ESCO2: variants seen among roughly 807,000 people sequenced by gnomAD.
ESCO2 encodes establishment of sister chromatid cohesion N-acetyltransferase 2, also known as N-acetyltransferase ESCO2.
Under a neutral mutation model 61.7 loss-of-function variants are expected in ESCO2, and 51 were observed. The ratio of observed to expected loss-of-function variants is 0.83; its 90% confidence interval spans 0.66 to 1.04. The LOEUF (loss-of-function observed/expected upper bound fraction) is 1.04, where lower values mean the gene tolerates loss of function less well. Among genes scored for constraint, ESCO2 ranks in the 50% least tolerant of loss-of-function variants. ESCO2 has a pLI of 0.00. For synonymous variants in ESCO2, 230 were observed against 238.2 expected (o/e 0.97, Z 0.32); for missense variants, 692 against 686.2 (o/e 1.01, Z -0.09).
downstream of ESCO2, among the ~76,000 whole-genome samples, chr8:27,815,255 C>A (rs1223155814): frequency 3.3e-5 from 5 of 152,140 alleles, no homozygotes; most frequent in African/African-American, 9.7e-5. Flanking sequence ...TTCCAGTTAA[C>A]AAGCACTCAT....
At chr8:27,817,265 T>G (rs1805835635), downstream of ESCO2, among the ~76,000 whole-genome samples, 1 of 152,040 alleles carries the variant, frequency 6.6e-6, no homozygotes, top group Admixed American at 6.6e-5. Flanking sequence ...TATGTAACCT[T>G]CAGCATAAAC....
At chr8:27,808,322 G>C (rs1418214304), downstream of ESCO2, 1 of 685,766 alleles carries the variant, frequency 1.5e-6, no homozygotes, top group African/African-American at 1.9e-5. Flanking sequence ...ATTCTAAAGG[G>C]AAAGATTTCC....
intron 9 of ESCO2, among the ~76,000 whole-genome samples, chr8:27,796,140 T>C (rs575499776): frequency 1.3e-5 from 2 of 152,176 alleles, no homozygotes; most frequent in East Asian, 3.9e-4. Flanking sequence ...TAGTTTAGAT[T>C]TTCTGTTTCT....
At chr8:27,772,376 G>T, upstream of ESCO2, 3 of 793,408 alleles carry the variant, frequency 3.8e-6, no homozygotes, top group Admixed American at 2.2e-5. Flanking sequence ...TGTGCTGGGG[G>T]ACCGAGAGGC....
chr8:27,788,639 G>A (rs1162151564), intron 6 of ESCO2, among the ~76,000 whole-genome samples: 1 of 151,964 alleles, frequency 6.6e-6, no homozygotes, highest in Non-Finnish European at 1.5e-5. Flanking sequence ...GATTACAGGC[G>A]TGAGCCACTG....
chr8:27,813,118 C>A (rs1193174597), downstream of ESCO2, among the ~76,000 whole-genome samples: 1 of 152,188 alleles, frequency 6.6e-6, no homozygotes, highest in East Asian at 1.9e-4. Flanking sequence ...CACATATACA[C>A]CATGGAATAC....
intron 5 of ESCO2, among the ~76,000 whole-genome samples, chr8:27,784,727 T>G (rs1419074914): frequency 1.3e-5 from 2 of 152,192 alleles, no homozygotes; most frequent in African/African-American, 4.8e-5. Flanking sequence ...GGCAGAGCTC[T>G]GAAAAAGTAG....
At chr8:27,791,556 G>A (rs937972494) in intron 7 of ESCO2, among the ~76,000 whole-genome samples, 2 of 152,110 alleles carry the variant, frequency 1.3e-5, no homozygotes, top group African/African-American at 2.4e-5. Context: ...CAAGCATAAG[G>A]GACAAACGTA....
the ESCO2 span, among the ~76,000 whole-genome samples, chr8:27,819,654 A>G: frequency 3.3e-5 from 5 of 152,136 alleles, no homozygotes; most frequent in African/African-American, 1.2e-4. Flanking sequence ...ATTATGGTGC[A>G]GAGGTACTTG....
chr8:27,816,931 C>G (rs1224069589), downstream of ESCO2, among the ~76,000 whole-genome samples: 2 of 151,980 alleles, frequency 1.3e-5, no homozygotes, highest in African/African-American at 4.8e-5. Flanking sequence ...CACATTGTTG[C>G]ATAGTCTGTT....
Position 27,804,475 on chromosome 8 carries a change from T to C in ESCO2, c.*1037T>C. 3 of 985,430 alleles carry C rather than the reference T, an allele frequency of 3.0e-6. No homozygotes were observed. Among genetic ancestry groups the C allele is most frequent in the Non-Finnish European group, 3.6e-6 (3 of 829,906 alleles). The allele number at this position is 985,430 out of a possible 1,614,324, so 61.0% of individuals were successfully genotyped here. Reference sequence around the variant, plus strand: ...GTAATAGAACCAAGGTTAGTAAATATACATAGGCTGGTGGATGAGAGACCA... The same window carrying C: ...GTAATAGAACCAAGGTTAGTAAATACACATAGGCTGGTGGATGAGAGACCA... On this transcript the variant is annotated 3_prime_UTR_variant, in exon 11 of 11. Coordinates refer to ENST00000305188, the MANE Select transcript of ESCO2 (RefSeq NM_001017420.3).
chr8:27,799,587 C>A lies in ESCO2; in HGVS notation c.1544C>A (p.Ser515Tyr), dbSNP rs1274749882. 3 of 1,613,952 alleles carry A rather than the reference C, an allele frequency of 1.9e-6. No homozygotes were observed. Among genetic ancestry groups the A allele is most frequent in the Non-Finnish European group, 2.5e-6 (3 of 1,179,996 alleles). ...SEPIGPESPS[S>Y]TECPRAWQCS... ...CCAATTGGTCCAGAATCCCCAAGCT[C>A]TACGGAATGTCCTAGGGCTTGGCAA... Residue 515 changes from serine (S) to tyrosine (Y), a missense_variant, in exon 10 of 11, where the codon TCT becomes TAT. Physicochemically the swap from Ser to Tyr is moderately radical, Grantham distance 144. Coordinates refer to ENST00000305188, the MANE Select transcript of ESCO2 (RefSeq NM_001017420.3).
rs1473275454 is a variant in ESCO2, at chr8:27,782,709, A to T, written c.956-1291A>T. Among the ~76,000 whole-genome samples, 11 of 149,480 alleles carry T rather than the reference A, an allele frequency of 7.4e-5. No individual in the cohort carries two copies. The South Asian group carries it at 2.3e-3, about 31-fold the overall frequency. On this transcript the variant is annotated intron_variant, in intron 4 of 10. Transcript: ENST00000305188. ...TGTAGAATTCCATATATAGTTAAAT[A>T]ATATATATATATTAAATAATATATT...
rs1407860791 is a variant in ESCO2 at position 27,787,959 on chromosome 8, A to T, written c.1088A>T (p.Asn363Ile). Residue 363 changes from asparagine (N) to isoleucine (I), a missense_variant, in exon 6 of 11, where the codon AAT becomes ATT. Transcript: ENST00000305188. The part of the protein sequence containing the change: ...MKQTNIQKNT[N>I]TRDTSKKTKD... ...CAGACCAATATCCAGAAAAATACTA[A>T]TACCAGAGATACAAGTAAAAAAACA... 3 of 1,613,762 alleles carry T rather than the reference A, an allele frequency of 1.9e-6. No individual in the cohort carries two copies. In the Admixed American group the frequency reaches 5.0e-5, roughly 27 times the overall value.
At chr8:27,817,097 A>T (rs1188948760), downstream of ESCO2, among the ~76,000 whole-genome samples, 1 of 152,164 alleles carries the variant, frequency 6.6e-6, no homozygotes, top group Non-Finnish European at 1.5e-5. Flanking sequence ...TAGTAGCTTT[A>T]AGAATTGCTA....
At chr8:27,795,713 C>T (rs1193058583) in intron 9 of ESCO2, among the ~76,000 whole-genome samples, 1 of 152,082 alleles carries the variant, frequency 6.6e-6, no homozygotes, top group Admixed American at 6.6e-5. Context: ...GAGTTCTTAT[C>T]ATGAAAGGAT....
chr8:27,786,851 G>T (rs1219393787), intron 5 of ESCO2, among the ~76,000 whole-genome samples: 1 of 104,606 alleles, frequency 9.6e-6, no homozygotes, highest in South Asian at 3.0e-4. Context: ...TCTTACTTTT[G>T]GTACTAGGGT....
rs144747170 is a variant in ESCO2 at position 27,776,399 on chromosome 8, A to G, written c.91A>G (p.Asn31Asp). Reference protein sequence around the residue: ...HFTENLFPSPNKKHCFYQNSD... With the variant: ...HFTENLFPSPDKKHCFYQNSD... ...CACTGAAAATCTGTTTCCATCACCT[A>G]ATAAAAAGCACTGTTTTTATCAAAA... The change falls in exon 3 of 11, where the codon AAT (asparagine) becomes GAT (aspartate). Residue 31 changes from asparagine (N) to aspartate (D), a missense_variant. Asn to Asp is a conservative substitution (Grantham distance 23). Transcript: ENST00000305188. 6.2e-6 allele frequency: 10 copies of G among 1,608,100 alleles called. No homozygotes were observed. In the African/African-American group the frequency reaches 1.3e-4, roughly 22 times the overall value.
chr8:27,810,930 G>A (rs774408307), downstream of ESCO2: 28 of 1,328,924 alleles, frequency 2.1e-5, no homozygotes, highest in South Asian at 3.2e-4. Context: ...GAAGAGATTG[G>A]GATTTATGTT....
Sources: gnomAD v4.1 joint callset for allele counts (sites outside exome capture counted in the v4.1 genomes callset) on GRCh38, gnomAD v4.1.1 for gene constraint, MANE v1.5 for transcripts, NCBI Gene and HGNC (gene_info 2026-07-23, HGNC 2026-07-21) for gene names.